Variants in CLEC20A observed in about 807,000 individuals in gnomAD.
The protein encoded by CLEC20A is C-type lectin domain containing 20A, also known as putative C-type lectin domain family 20 member A.
At chr1:178,479,644 G>C (rs1294709679) in intron 7 of CLEC20A, 29 bp from the exon 8 acceptor site, 4 of 398,310 alleles carry the variant, frequency 1.0e-5, no homozygotes, top group Non-Finnish European at 1.8e-5. Context: ...AGAAAGTGTT[G>C]ATGCGGTCTT....
At chr1:178,487,710 C>T (rs960658336) in intron 5 of CLEC20A, among the ~76,000 whole-genome samples, 12 of 152,240 alleles carry the variant, frequency 7.9e-5, no homozygotes, top group Non-Finnish European at 1.5e-5. Context: ...AAAATCTTGC[C>T]TGGTGGCTGT....
upstream of CLEC20A, among the ~76,000 whole-genome samples, chr1:178,497,962 G>A (rs538732110): frequency 3.3e-5 from 5 of 152,026 alleles, no homozygotes; most frequent in South Asian, 2.1e-4. Flanking sequence ...GGGAAGAAGC[G>A]GGTGAGGAGG....
Position 178,486,741 on chromosome 1 carries a change from C to A in CLEC20A, c.928+1760G>T, listed in dbSNP as rs12046860. ...TTACTTCCTGGGGGACAGAGAGGCT[C>A]CCCCGAGAGGCCGCAGCAGGGCTGG... On this transcript the variant is annotated intron_variant, in intron 5 of 7. Coordinates refer to ENST00000623247, the Ensembl canonical transcript of CLEC20A. 1,595 of 398,178 alleles carry A rather than the reference C, an allele frequency of 4.0e-3. 42 individuals are homozygous for A. In the East Asian group the frequency reaches 0.042, roughly 11 times the overall value. 24.7% of individuals were successfully genotyped at this position (398,178 alleles called of 1,614,324 possible).
exon 4 of CLEC20A, chr1:178,490,164 C>A (rs1323705936): frequency 2.5e-6 from 1 of 398,724 alleles, no homozygotes; most frequent in East Asian, 3.6e-5. Flanking sequence ...TGTGCACAGT[C>A]CTCTCACCAT....
At chr1:178,495,577 G>A (rs1270120219) in intron 1 of CLEC20A, among the ~76,000 whole-genome samples, 1 of 152,142 alleles carries the variant, frequency 6.6e-6, no homozygotes, top group Non-Finnish European at 1.5e-5. Context: ...AGGCAACTTA[G>A]GAGCAAAGAA....
intron 7 of CLEC20A, chr1:178,481,084 C>T (rs902532739): frequency 5.2e-4 from 79 of 152,256 alleles, no homozygotes; most frequent in African/African-American, 1.8e-3. Flanking sequence ...GCTCTCCAGT[C>T]CCCCCTCCAC....
chr1:178,482,474 C>T (rs1649014686), intron 6 of CLEC20A, 77 bp from the exon 7 acceptor site: 1 of 397,642 alleles, frequency 2.5e-6, no homozygotes, highest in Non-Finnish European at 4.4e-6. Context: ...CAGGAGCACC[C>T]GGTGGACACC....
At chr1:178,491,603 C>T (rs1011222367) in intron 3 of CLEC20A, among the ~76,000 whole-genome samples, 19 of 152,124 alleles carry the variant, frequency 1.2e-4, no homozygotes, top group African/African-American at 4.6e-4. Flanking sequence ...GAGGCAACAA[C>T]CTGCCCGAAC....
At chr1:178,495,633 A>G (rs1649372130) in intron 1 of CLEC20A, among the ~76,000 whole-genome samples, 1 of 152,160 alleles carries the variant, frequency 6.6e-6, no homozygotes, top group Non-Finnish European at 1.5e-5. Flanking sequence ...GATGCCAGCC[A>G]CATCACAAGG....
At chr1:178,498,022 C>G (rs1039919371), upstream of CLEC20A, among the ~76,000 whole-genome samples, 6 of 152,020 alleles carry the variant, frequency 3.9e-5, no homozygotes, top group African/African-American at 1.5e-4. Flanking sequence ...AGACTCACCC[C>G]CTACCCCTCC....
chr1:178,488,235 G>C (rs539382903), intron 5 of CLEC20A, among the ~76,000 whole-genome samples: 1 of 152,352 alleles, frequency 6.6e-6, no homozygotes, highest in Admixed American at 6.5e-5. Flanking sequence ...TGGCCCTGGA[G>C]CTGCAAGTTC....
intron 1 of CLEC20A, 34 bp from the exon 2 acceptor site, chr1:178,494,844 C>A (rs1206731719): frequency 2.5e-6 from 1 of 398,958 alleles, no homozygotes; most frequent in East Asian, 3.6e-5. Flanking sequence ...GCATGGCTGT[C>A]CCCACCCCAG....
chr1:178,487,017 C>G (rs1649164328), intron 5 of CLEC20A: 1 of 392,942 alleles, frequency 2.5e-6, no homozygotes, highest in Non-Finnish European at 4.5e-6. Context: ...CTGCTGAAGC[C>G]GGGCCCTGCG....
At chr1:178,484,061 G>A (rs1197280713) in intron 5 of CLEC20A, 1 of 152,142 alleles carries the variant, frequency 6.6e-6, no homozygotes, top group Non-Finnish European at 1.5e-5. Context: ...TTCACTGAAT[G>A]TACCATAACT....
At chr1:178,489,986 A>G (rs973565305) in intron 4 of CLEC20A, 86 bp downstream of exon 4, 10 of 397,934 alleles carry the variant, frequency 2.5e-5, no homozygotes, top group Non-Finnish European at 3.1e-5. Context: ...TCTATCCTCA[A>G]TGTCATCTGC....
In CLEC20A at chr1:178,479,919, G is replaced by A. The variant is rs200115958; in HGVS notation, c.1123-304C>T. On this transcript the variant is annotated intron_variant, in intron 7 of 7. Transcript: ENST00000623247. Reference sequence around the variant, plus strand: ...AGAGTTGTTTAAAAAAAAAAAAAAAGAAAAAAAACAGAGGAGTACCTCTTG... The same window carrying A: ...AGAGTTGTTTAAAAAAAAAAAAAAAAAAAAAAAACAGAGGAGTACCTCTTG... 936 of 142,930 alleles carry A rather than the reference G, an allele frequency of 6.5e-3. 10 individuals carry two copies. The highest frequency in any genetic ancestry group is 7.6e-3 in the Non-Finnish European group (526 of 69,108). The allele number at this position is 142,930 out of a possible 1,614,324, so 8.9% of individuals were successfully genotyped here. A position where few individuals can be genotyped will look rare whatever the true frequency, so the allele number is the denominator to read the frequency against.
At chr1:178,498,211 G>C (rs1649444881), upstream of CLEC20A, among the ~76,000 whole-genome samples, 1 of 152,086 alleles carries the variant, frequency 6.6e-6, no homozygotes, top group South Asian at 2.1e-4. Context: ...TGAAAAGCAT[G>C]AGGTTGGGAG....
In CLEC20A at chr1:178,496,781, C is replaced by A. The variant is rs1558030588; in HGVS notation, c.40+119G>T. On this transcript the variant is annotated intron_variant, in intron 1 of 7. Coordinates refer to ENST00000623247, the Ensembl canonical transcript of CLEC20A. ...AGGGTTGAAAAGCATTCATTTCTTT[C>A]CACCTTGCCTCCCTCCAACCTGGAA... The A allele has an allele frequency of 1.3e-5, 5 of 398,402 alleles. No individual in the cohort carries two copies. In the South Asian group the frequency reaches 6.4e-4, roughly 51 times the overall value. The allele number at this position is 398,402 out of a possible 1,614,324, so 24.7% of individuals were successfully genotyped here.
intron 5 of CLEC20A, chr1:178,484,447 G>A (rs1649083071): frequency 6.6e-6 from 1 of 152,128 alleles, no homozygotes; most frequent in Admixed American, 6.5e-5. Context: ...TCAACACTGG[G>A]AGGGTGAGGC....
Sources: gnomAD v4.1 joint callset for allele counts (sites outside exome capture counted in the v4.1 genomes callset) on GRCh38, gnomAD v4.1.1 for gene constraint, MANE v1.5 for transcripts, NCBI Gene and HGNC (gene_info 2026-07-23, HGNC 2026-07-21) for gene names.